Variants in C4orf36 observed in about 807,000 individuals in gnomAD.
The protein encoded by C4orf36 is chromosome 4 open reading frame 36.
C4orf36 carries 11 observed loss-of-function variants against 12.2 expected under a neutral mutation model. That is an observed-to-expected ratio of 0.90 (90% confidence interval 0.57 to 1.49). The LOEUF is 1.49. Ranked by LOEUF, C4orf36 falls within the 40% of genes most tolerant of loss-of-function variation. The pLI is 0.00. For synonymous variants in C4orf36, 54 were observed against 51.3 expected (o/e 1.05, Z -0.22); for missense variants, 137 against 133.9 (o/e 1.02, Z -0.11).
At chr4:86,891,675 CAG>C in intron 1 of C4orf36, 82 bp from the exon 2 acceptor site, 1 of 1,305,458 alleles carries the variant, frequency 7.7e-7, no homozygotes. Flanking sequence ...TTCTGAATGT[CAG>C]AAAGTCCTTA....
chr4:86,905,227 A>AG, the C4orf36 span, among the ~76,000 whole-genome samples: 1 of 151,724 alleles, frequency 6.6e-6, no homozygotes, highest in Non-Finnish European at 1.5e-5. Context: ...ACAAAAAAAA[A>AG]AAAAAGGTAG....
chr4:86,929,407 G>A, the C4orf36 span, among the ~76,000 whole-genome samples: 5 of 152,172 alleles, frequency 3.3e-5, no homozygotes, highest in Non-Finnish European at 5.9e-5. Context: ...CCCAGAGGAT[G>A]CTTTCAAGTC....
chr4:86,893,765 T>C (rs886544919), upstream of C4orf36, among the ~76,000 whole-genome samples: 1 of 152,132 alleles, frequency 6.6e-6, no homozygotes, highest in Non-Finnish European at 1.5e-5. Context: ...CAATGAAAAG[T>C]GAGCACCGAG....
At chr4:86,921,409 C>T in the C4orf36 span, among the ~76,000 whole-genome samples, 7 of 152,130 alleles carry the variant, frequency 4.6e-5, no homozygotes, top group African/African-American at 1.7e-4. Flanking sequence ...TAAATATCAA[C>T]CATGGTCTCG....
intron 1 of C4orf36, 29 bp from the exon 2 acceptor site, chr4:86,891,622 T>C: frequency 1.9e-6 from 3 of 1,582,604 alleles, no homozygotes; most frequent in Non-Finnish European, 2.6e-6. Context: ...ACCTAATTAA[T>C]GCCTCTCACG....
the C4orf36 span, chr4:86,913,361 C>T: frequency 3.6e-6 from 3 of 826,622 alleles, no homozygotes; most frequent in Non-Finnish European, 6.2e-6. Flanking sequence ...TGCTTGCCCA[C>T]CTCATAAATA....
chr4:86,876,359 G>T lies in C4orf36; in HGVS notation c.*87C>A. 4 of 1,580,534 alleles carry T rather than the reference G, an allele frequency of 2.5e-6. No homozygotes were observed. In the South Asian group the frequency reaches 4.5e-5, roughly 18 times the overall value. On this transcript the variant is annotated 3_prime_UTR_variant, in exon 5 of 5. Transcript: ENST00000295898. ...ATGGCTGCAGCGCAGCGACGGCCGGGGCCGGGAGCGGGTCCTGGGCGGCCC... is the reference window on the plus strand; with the variant it reads ...ATGGCTGCAGCGCAGCGACGGCCGGTGCCGGGAGCGGGTCCTGGGCGGCCC...
chr4:86,887,649 AC>A, intron 4 of C4orf36, 108 bp downstream of exon 4: 1 of 1,292,530 alleles, frequency 7.7e-7, no homozygotes. Flanking sequence ...TGGCCCATCC[AC>A]CAGTGGGCAT....
At chr4:86,892,846 G>A (rs538365498), upstream of C4orf36, among the ~76,000 whole-genome samples, 35 of 152,298 alleles carry the variant, frequency 2.3e-4, no homozygotes, top group African/African-American at 8.4e-4. Flanking sequence ...CCGTTATTAC[G>A]CTGTGGTGAT....
At chr4:86,915,503 G>C in the C4orf36 span, among the ~76,000 whole-genome samples, 10 of 152,326 alleles carry the variant, frequency 6.6e-5, no homozygotes, top group East Asian at 3.9e-4. Context: ...AGGAGGGAAG[G>C]CTGGGCACGG....
the C4orf36 span, chr4:86,935,022 G>A: frequency 1.3e-5 from 2 of 151,858 alleles, no homozygotes; most frequent in South Asian, 2.1e-4. Context: ...GCCAGCTAGC[G>A]AGCGACGGGC....
chr4:86,903,443 A>G, the C4orf36 span, among the ~76,000 whole-genome samples: 60 of 152,246 alleles, frequency 3.9e-4, no homozygotes, highest in African/African-American at 1.2e-3. Context: ...ATGAAGCCAC[A>G]GACCCTTATG....
chr4:86,916,454 G>A, the C4orf36 span, among the ~76,000 whole-genome samples: 1 of 151,744 alleles, frequency 6.6e-6, no homozygotes. Flanking sequence ...CAGGAATGGA[G>A]GCTAGACATG....
chr4:86,899,059 T>G, the C4orf36 span, among the ~76,000 whole-genome samples: 2 of 152,128 alleles, frequency 1.3e-5, no homozygotes, highest in African/African-American at 2.4e-5. Flanking sequence ...CCACTGTACC[T>G]GGTCAACAGA....
At chr4:86,913,194 C>G in the C4orf36 span, 1 of 418,408 alleles carries the variant, frequency 2.4e-6, no homozygotes, top group African/African-American at 2.0e-5. Context: ...GCCATCGTGC[C>G]ACAGCACAGC....
the C4orf36 span, among the ~76,000 whole-genome samples, chr4:86,899,392 A>G: frequency 5.9e-5 from 9 of 152,244 alleles, no homozygotes; most frequent in African/African-American, 2.2e-4. Flanking sequence ...GACAAAATAA[A>G]TAAAATAATA....
chr4:86,913,182 T>G, the C4orf36 span: 4 of 393,256 alleles, frequency 1.0e-5, no homozygotes, highest in Non-Finnish European at 1.9e-5. Context: ...GCTGGCTTCC[T>G]TGCCATCGTG....
the C4orf36 span, among the ~76,000 whole-genome samples, chr4:86,931,597 C>G: frequency 6.6e-6 from 1 of 152,144 alleles, no homozygotes; most frequent in Non-Finnish European, 1.5e-5. Context: ...CAGGAACTCA[C>G]TACGTTGCCT....
the C4orf36 span, chr4:86,933,384 G>A: frequency 3.3e-5 from 5 of 152,092 alleles, no homozygotes; most frequent in Admixed American, 2.0e-4. Flanking sequence ...GATATAAATG[G>A]AATGACTTAC....
Sources: gnomAD v4.1 joint callset for allele counts (sites outside exome capture counted in the v4.1 genomes callset) on GRCh38, gnomAD v4.1.1 for gene constraint, MANE v1.5 for transcripts, NCBI Gene and HGNC (gene_info 2026-07-23, HGNC 2026-07-21) for gene names.